The following ARHGEF10L variants were observed in gnomAD, a reference collection of about 807,000 sequenced individuals.
ARHGEF10L encodes the protein Rho guanine nucleotide exchange factor 10 like, also known as rho guanine nucleotide exchange factor 10-like protein.
Under a neutral mutation model 141.2 loss-of-function variants are expected in ARHGEF10L, and 69 were observed. The ratio of observed to expected loss-of-function variants is 0.49; its 90% confidence interval spans 0.40 to 0.60. The LOEUF (loss-of-function observed/expected upper bound fraction) is 0.60. ARHGEF10L is among the 20% of genes least tolerant of loss of function. The probability of loss-of-function intolerance (pLI) is 0.00; values close to 1 mark genes in which losing one functional copy is unlikely to be tolerated. For synonymous variants in ARHGEF10L, 711 were observed against 718.5 expected, an observed-to-expected ratio of 0.99 and a Z score of 0.17; for missense variants, 1,482 against 1,734.3, an observed-to-expected ratio of 0.85 and a Z score of 2.58.
intron 27 of ARHGEF10L, chr1:17,694,693 C>G (rs12568540): frequency 5.8e-6 from 2 of 344,414 alleles, no homozygotes; most frequent in African/African-American, 4.3e-5. Flanking sequence ...CGATGCCTCT[C>G]GAGCCCCACC....
chr1:17,666,821 G>A (rs920472808), intron 26 of ARHGEF10L, among the ~76,000 whole-genome samples: 1 of 12,360 alleles, frequency 8.1e-5, no homozygotes, highest in African/African-American at 3.4e-4. Flanking sequence ...TCCCTTCCCA[G>A]CCCCTGGTTC....
At position 17,695,237 on chromosome 1, in the gene ARHGEF10L, C is replaced by A. The variant is rs1300239208; in HGVS notation, c.3264C>A (p.Val1088=). The stretch of plus-strand genomic sequence containing the variant: ...TGGGCACTGACCAGGGTGTCATCGT[C>A]CTGCTGCCCGTGCCTCGGCTGGAAG... ...LWVGTDQGVI[V]LLPVPRLEGI... Residue 1088 remains valine (V), a synonymous_variant, in exon 28 of 29, where the codon GTC becomes GTA. Coordinates refer to ENST00000361221, the MANE Select transcript of ARHGEF10L (RefSeq NM_018125.4). 2.4e-5 allele frequency: 38 copies of A among 1,606,282 alleles called. No homozygotes were observed. The Admixed American group carries it at 6.5e-4, about 27-fold the overall frequency.
At chr1:17,592,526 G>A (rs953565455) in intron 4 of ARHGEF10L, among the ~76,000 whole-genome samples, 24 of 152,106 alleles carry the variant, frequency 1.6e-4, no homozygotes, top group Non-Finnish European at 1.5e-5. Flanking sequence ...TGTATCAGGG[G>A]CTGAGAGGAT....
At chr1:17,678,141 C>T (rs2063842308) in intron 26 of ARHGEF10L, among the ~76,000 whole-genome samples, 1 of 152,164 alleles carries the variant, frequency 6.6e-6, no homozygotes, top group Non-Finnish European at 1.5e-5. Flanking sequence ...TCAGCCCTGG[C>T]ACCTGCTTGT....
intron 1 of ARHGEF10L, among the ~76,000 whole-genome samples, chr1:17,570,160 G>A (rs184692503): frequency 1.8e-4 from 28 of 152,370 alleles, no homozygotes; most frequent in South Asian, 8.3e-4. Context: ...TGTGTGTCAG[G>A]CCTGTGCCAT....
intron 16 of ARHGEF10L, among the ~76,000 whole-genome samples, chr1:17,633,389 G>A (rs939197844): frequency 1.1e-4 from 17 of 152,136 alleles, no homozygotes; most frequent in African/African-American, 4.1e-4. Flanking sequence ...TGTCTCCCAG[G>A]CTGGAGTGCA....
At chr1:17,618,262 A>ACCCCCCCCCCAAACCC in intron 9 of ARHGEF10L, 1 of 684,254 alleles carries the variant, frequency 1.5e-6, no homozygotes, top group Non-Finnish European at 2.2e-6. Flanking sequence ...AGCCCTCCCC[A>ACCCCCCCCCCAAACCC]CCCCGCCCAC....
intron 21 of ARHGEF10L, among the ~76,000 whole-genome samples, chr1:17,645,854 G>A (rs1353265352): frequency 6.6e-6 from 1 of 152,236 alleles, no homozygotes; most frequent in African/African-American, 2.4e-5. Context: ...CGTGATGGCT[G>A]TGAGGATGCA....
chr1:17,587,158 C>G (rs2079090743), intron 2 of ARHGEF10L, among the ~76,000 whole-genome samples: 1 of 152,214 alleles, frequency 6.6e-6, no homozygotes, highest in Admixed American at 6.5e-5. Context: ...GCTCACAAAA[C>G]AGGGAAACAC....
At chr1:17,578,355 C>T (rs1184017499) in intron 1 of ARHGEF10L, among the ~76,000 whole-genome samples, 1 of 152,190 alleles carries the variant, frequency 6.6e-6, no homozygotes, top group Non-Finnish European at 1.5e-5. Context: ...GGCACAGTCA[C>T]ACGCTTAGCA....
chr1:17,681,626 C>T (rs79136279), intron 26 of ARHGEF10L, among the ~76,000 whole-genome samples: 22,048 of 151,976 alleles, frequency 0.15, 1,699 homozygotes, highest in Non-Finnish European at 0.17. Context: ...TGCTGTGGGG[C>T]TGGGGGTCAG....
At chr1:17,520,375 G>A in the ARHGEF10L span, among the ~76,000 whole-genome samples, 3 of 152,366 alleles carry the variant, frequency 2.0e-5, no homozygotes, top group South Asian at 2.1e-4. Context: ...ACTGACAGAC[G>A]GGACCCTTCC....
In ARHGEF10L at chr1:17,625,991, C is replaced by G. The variant is rs987514741; in HGVS notation, c.1353C>G (p.Leu451=). ...RQVCSPDRVT[L]YGLMVKPIQR... is the part of the protein sequence containing the mutation. ...TGTGCAGCCCAGACCGTGTCACCCT[C>G]TACGGGCTGATGGTCAAGCCCATCC... The change falls in exon 14 of 29, where the codon CTC becomes CTG. Residue 451 remains leucine, a synonymous_variant. Coordinates refer to ENST00000361221, the MANE Select transcript of ARHGEF10L (RefSeq NM_018125.4). This position sits in a 1 kb window ranked among gnomAD's most constrained non-coding sequence, Gnocchi z 4.5. 1.9e-6 allele frequency: 3 copies of G among 1,613,886 alleles called. No homozygotes were observed. The highest frequency in any genetic ancestry group is 2.5e-6 in the Non-Finnish European group (3 of 1,179,922).
chr1:17,667,573 T>C (rs1342586678), intron 26 of ARHGEF10L, among the ~76,000 whole-genome samples: 1 of 152,096 alleles, frequency 6.6e-6, no homozygotes. Context: ...GCACACCAGG[T>C]AGGAGGCAGC....
intron 28 of ARHGEF10L, among the ~76,000 whole-genome samples, chr1:17,695,997 G>C (rs2065467825): frequency 6.6e-6 from 1 of 151,892 alleles, no homozygotes; most frequent in Non-Finnish European, 1.5e-5. Flanking sequence ...AGGAGTTTGA[G>C]ACCAGCCTGG....
At chr1:17,692,216 C>T (rs757086108) in intron 27 of ARHGEF10L, among the ~76,000 whole-genome samples, 1 of 152,120 alleles carries the variant, frequency 6.6e-6, no homozygotes, top group Non-Finnish European at 1.5e-5. Context: ...TGAAATAGCC[C>T]CTGTTGGCCA....
In ARHGEF10L at chr1:17,587,378, C is replaced by G. The variant is rs553300743; in HGVS notation, c.38-82C>G. The stretch of plus-strand genomic sequence containing the variant: ...ACCTGAGGTGCTCACCCAGTTCCAG[C>G]CATGCCCACCTACCCCAGCCATCTC... On this transcript the variant is annotated intron_variant, in intron 2 of 28. Coordinates refer to ENST00000361221, the MANE Select transcript of ARHGEF10L (RefSeq NM_018125.4). 198 of 1,420,912 alleles carry G rather than the reference C, an allele frequency of 1.4e-4. 4 individuals are homozygous for G. The South Asian group carries it at 2.6e-3, about 19-fold the overall frequency. 88.0% of individuals were successfully genotyped at this position (1,420,912 alleles called of 1,614,324 possible).
At chr1:17,515,451 G>A in the ARHGEF10L span, among the ~76,000 whole-genome samples, 2 of 151,818 alleles carry the variant, frequency 1.3e-5, no homozygotes, top group Admixed American at 6.6e-5. Flanking sequence ...GGGCCACCAT[G>A]CCTGGCTAAT....
At chr1:17,646,338 G>A in intron 21 of ARHGEF10L, among the ~76,000 whole-genome samples, 1 of 152,208 alleles carries the variant, frequency 6.6e-6, no homozygotes, top group Non-Finnish European at 1.5e-5. Context: ...GGATCTCTTT[G>A]ATGAAAGCGA....
Sources: allele counts gnomAD v4.1 joint callset (sites outside exome capture counted in the v4.1 genomes callset), GRCh38; gene constraint gnomAD v4.1.1; non-coding constraint Gnocchi (gnomAD v3.1); transcripts MANE v1.5; gene names NCBI Gene and HGNC (gene_info 2026-07-23, HGNC 2026-07-21).